The following HAAO variants were observed in gnomAD, a reference collection of about 807,000 sequenced individuals.
The protein encoded by HAAO is 3-hydroxyanthranilate 3,4-dioxygenase, also known as 3-hydroxyanthranilate oxygenase.
A neutral mutation model predicts 46.2 loss-of-function variants in HAAO; 49 were observed. The ratio of observed to expected loss-of-function variants is 1.06; its 90% CI spans 0.84 to 1.34. The LOEUF (loss-of-function observed/expected upper bound fraction) is 1.34. Among genes scored for constraint, HAAO ranks in the 40% most tolerant of loss-of-function variants. HAAO has a pLI of 0.00. For synonymous variants in HAAO, 157 were observed against 145.2 expected (o/e 1.08, Z -0.58); for missense variants, 408 against 364.5 (o/e 1.12, Z -0.97).
intron 7 of HAAO, 144 bp downstream of exon 7, chr2:42,769,569 A>ATGTGGGTGTG: frequency 1.7e-6 from 1 of 587,932 alleles, no homozygotes; most frequent in Non-Finnish European, 2.9e-6. Flanking sequence ...AACCTCTGAA[A>ATGTGGGTGTG]TGTGTGTGTG....
chr2:42,784,402 C>G (rs1462459848), intron 2 of HAAO, among the ~76,000 whole-genome samples: 1 of 151,836 alleles, frequency 6.6e-6, no homozygotes, highest in Admixed American at 6.6e-5. Flanking sequence ...GGCTCTGGAG[C>G]CACTGGCCAG....
At chr2:42,784,025 C>A (rs1195941235) in intron 2 of HAAO, 158 bp from the exon 3 acceptor site, 1 of 881,184 alleles carries the variant, frequency 1.1e-6, no homozygotes, top group East Asian at 1.2e-4. Flanking sequence ...GGCCTGTCTC[C>A]CCGGTGCATG....
Position 42,767,649 on chromosome 2 carries a change from C to T in HAAO, c.728G>A (p.Gly243Glu), listed in dbSNP as rs1359634735. The change falls in exon 9 of 10, where the codon GGA becomes GAA. Residue 243 changes from glycine (G) to glutamate (E), a missense_variant. Transcript: ENST00000294973. ...LEGSSVVTMG[G>E]RRLSLAPDDS... ...ATCAGGGGCCAGGCTCAGGCGCCGT[C>T]CCCCCATTGTCACCACCGAGGAGCC... 2 of 1,568,582 alleles carry T rather than the reference C, an allele frequency of 1.3e-6. No individual in the cohort carries two copies. Among genetic ancestry groups the T allele is most frequent in the Non-Finnish European group, 1.7e-6 (2 of 1,155,936 alleles).
chr2:42,783,492 T>A, intron 3 of HAAO, 72 bp from the exon 4 acceptor site: 1 of 986,310 alleles, frequency 1.0e-6, no homozygotes, highest in East Asian at 2.6e-5. Context: ...CCCAACATCC[T>A]GGGCATCCCC....
intron 4 of HAAO, among the ~76,000 whole-genome samples, chr2:42,774,600 G>C (rs1671396180): frequency 6.6e-6 from 1 of 152,152 alleles, no homozygotes; most frequent in Non-Finnish European, 1.5e-5. Flanking sequence ...ATAGGGAAAA[G>C]GAGGTTTTTT....
intron 1 of HAAO, among the ~76,000 whole-genome samples, chr2:42,790,500 G>C (rs544401514): frequency 6.7e-6 from 1 of 148,318 alleles, no homozygotes; most frequent in Non-Finnish European, 1.5e-5. Flanking sequence ...TCTGGTCTTG[G>C]CCTAAGGGGT....
intron 5 of HAAO, 24 bp from the exon 6 acceptor site, chr2:42,770,210 C>A: frequency 1.3e-6 from 2 of 1,586,086 alleles, no homozygotes; most frequent in Non-Finnish European, 1.7e-6. Context: ...CAGGGAGGAG[C>A]AGGAGTGGCG....
chr2:42,780,371 C>G, intron 4 of HAAO, among the ~76,000 whole-genome samples: 1 of 151,964 alleles, frequency 6.6e-6, no homozygotes, highest in Admixed American at 6.6e-5. Context: ...CCATGCCCAG[C>G]TAATTTTTGT....
chr2:42,779,310 T>G (rs1671816094), intron 4 of HAAO, among the ~76,000 whole-genome samples: 1 of 147,724 alleles, frequency 6.8e-6, no homozygotes, highest in Non-Finnish European at 1.5e-5. Flanking sequence ...TTGAAAACTA[T>G]AGTTAATTGG....
chr2:42,780,717 G>A (rs1480643982), intron 4 of HAAO, among the ~76,000 whole-genome samples: 1 of 151,168 alleles, frequency 6.6e-6, no homozygotes, highest in African/African-American at 2.4e-5. Context: ...GTTTTATTTT[G>A]TTTTTTTTCA....
chr2:42,778,270 G>A (rs1465056959), intron 4 of HAAO, among the ~76,000 whole-genome samples: 1 of 152,024 alleles, frequency 6.6e-6, no homozygotes. Flanking sequence ...TGCTTTTAAT[G>A]TCCTTGTGAC....
intron 4 of HAAO, among the ~76,000 whole-genome samples, chr2:42,777,166 G>A (rs1671641449): frequency 6.6e-6 from 1 of 151,676 alleles, no homozygotes; most frequent in Admixed American, 6.6e-5. Flanking sequence ...AGCTGGGTGT[G>A]GTTGTGGGCG....
At chr2:42,783,593 T>C (rs545179855) in intron 3 of HAAO, among the ~76,000 whole-genome samples, 173 bp from the exon 4 acceptor site, 5 of 152,078 alleles carry the variant, frequency 3.3e-5, no homozygotes, top group Non-Finnish European at 7.4e-5. Context: ...AGAGGGAATG[T>C]TGGACCGTGC....
In HAAO at chr2:42,775,853, G is replaced by A. The variant is rs1470454858; in HGVS notation, c.351-5271C>T. Among the ~76,000 whole-genome samples the A allele has an allele frequency of 3.2e-5, 4 of 126,394 alleles. No individual in the cohort carries two copies. In the East Asian group the frequency reaches 7.3e-4, roughly 23 times the overall value. 82.9% of individuals were successfully genotyped at this position (126,394 alleles called of 152,430 possible). ...CTGTTAAACTGCTTACTTTTATATT[G>A]TGTTATCCTTTTTTTTTTTTTTTTT... On this transcript the variant is annotated intron_variant, in intron 4 of 9. Transcript: ENST00000294973.
intron 4 of HAAO, among the ~76,000 whole-genome samples, chr2:42,777,303 C>CAAAAAAAAAAA (rs1215772853): frequency 4.7e-4 from 19 of 40,076 alleles, no homozygotes; most frequent in South Asian, 1.3e-3. Flanking sequence ...ACTCTTATCG[C>CAAAAAAAAAAA]AAAAAAAAAA....
intron 9 of HAAO, 25 bp from the exon 10 acceptor site, chr2:42,767,540 A>G (rs1163145936): frequency 6.2e-7 from 1 of 1,602,586 alleles, no homozygotes; most frequent in South Asian, 1.1e-5. Context: ...ATGAGCAGGG[A>G]TCACACAGAG....
intron 1 of HAAO, 109 bp downstream of exon 1, chr2:42,792,348 C>T: frequency 1.7e-6 from 1 of 585,540 alleles, no homozygotes; most frequent in Non-Finnish European, 3.0e-6. Context: ...TTAAAGCGGT[C>T]CTTCTGCAAG....
intron 4 of HAAO, among the ~76,000 whole-genome samples, chr2:42,781,524 A>T (rs926189961): frequency 2.6e-5 from 4 of 152,194 alleles, no homozygotes; most frequent in Non-Finnish European, 5.9e-5. Flanking sequence ...CTTATCTGAG[A>T]TTCCTTCTAT....
At chr2:42,769,407 A>G (rs1464051170) in intron 7 of HAAO, among the ~76,000 whole-genome samples, 1 of 152,212 alleles carries the variant, frequency 6.6e-6, no homozygotes, top group African/African-American at 2.4e-5. Context: ...ACCCTCAGGA[A>G]GCTGCCAGTG....
Sources: gnomAD v4.1 joint callset for allele counts (sites outside exome capture counted in the v4.1 genomes callset) on GRCh38, gnomAD v4.1.1 for gene constraint, MANE v1.5 for transcripts, NCBI Gene and HGNC (gene_info 2026-07-23, HGNC 2026-07-21) for gene names.